The following ARCN1 variants were observed in gnomAD, a reference collection of about 807,000 sequenced individuals.
ARCN1 encodes the protein coatomer subunit delta.
In ARCN1, 5 loss-of-function variants were observed where a neutral mutation model predicts 60.4. The ratio of observed to expected loss-of-function variants is 0.08; its 90% CI spans 0.04 to 0.17. ARCN1 has a LOEUF of 0.17. Ranked by LOEUF, ARCN1 falls within the 10% of genes least tolerant of loss-of-function variation. The pLI is 1.00. For missense variants in ARCN1, 464 were observed against 626.5 expected (o/e 0.74, Z 2.77); for synonymous variants, 224 against 220.0 (o/e 1.02, Z -0.16).
intron 1 of ARCN1, among the ~76,000 whole-genome samples, chr11:118,574,447 A>C (rs1490207196): frequency 6.6e-6 from 1 of 152,176 alleles, no homozygotes; most frequent in African/African-American, 2.4e-5. Flanking sequence ...AGTTGAAAGA[A>C]CTTTGTAGTG....
At chr11:118,596,988 T>G (rs1457050138) in intron 8 of ARCN1, among the ~76,000 whole-genome samples, 2 of 152,152 alleles carry the variant, frequency 1.3e-5, no homozygotes, top group Non-Finnish European at 2.9e-5. Flanking sequence ...GGCAAGTGGA[T>G]CACGGGGTCA....
At chr11:118,600,397 C>T (rs1055851834) in intron 9 of ARCN1, among the ~76,000 whole-genome samples, 2 of 152,170 alleles carry the variant, frequency 1.3e-5, no homozygotes, top group Non-Finnish European at 2.9e-5. Context: ...CGGAACATCT[C>T]GTCCCAACAG....
chr11:118,574,818 A>G (rs541215274), intron 1 of ARCN1, among the ~76,000 whole-genome samples: 1 of 151,882 alleles, frequency 6.6e-6, no homozygotes, highest in Non-Finnish European at 1.5e-5. Flanking sequence ...GGCAGTAGCT[A>G]TTCACAGGCG....
At chr11:118,575,647 A>G (rs965232105) in intron 1 of ARCN1, among the ~76,000 whole-genome samples, 31 of 152,344 alleles carry the variant, frequency 2.0e-4, no homozygotes, top group Admixed American at 1.9e-3. Flanking sequence ...TAATATGACC[A>G]TGAATTGTGT....
In ARCN1 at chr11:118,584,643, A is replaced by G. The variant is rs782786943; in HGVS notation, c.817A>G (p.Ser273Gly). 5.0e-6 allele frequency: 8 copies of G among 1,588,942 alleles called. No individual in the cohort carries two copies. In the South Asian group the frequency reaches 5.8e-5, roughly 12 times the overall value. The change falls in exon 5 of 10, where the codon AGT becomes GGT. Residue 273 changes from serine to glycine, a missense_variant and splice_region_variant. Physicochemically the swap from Ser to Gly is moderately conservative, Grantham distance 56. Transcript: ENST00000264028. Reference protein sequence around the residue: ...KMHAPPINMESVHMKIEEKIT... With the variant: ...KMHAPPINMEGVHMKIEEKIT... ...GCATGCTCCACCCATTAATATGGAA[A>G]GGTAAGTAGGAACTTTGAGTAAGAA...
chr11:118,573,212 C>T (rs192531900), intron 1 of ARCN1, among the ~76,000 whole-genome samples: 257 of 152,236 alleles, frequency 1.7e-3, no homozygotes, highest in African/African-American at 6.0e-3. Flanking sequence ...GTGTAGACCA[C>T]TGGGAAAATG....
At chr11:118,592,915 T>C in intron 7 of ARCN1, 59 bp downstream of exon 7, 1 of 1,477,996 alleles carries the variant, frequency 6.8e-7, no homozygotes. Flanking sequence ...GAAATAGCCC[T>C]TGCTGGTACA....
At chr11:118,594,194 G>C (rs1733715852) in intron 8 of ARCN1, 1 of 153,028 alleles carries the variant, frequency 6.5e-6, no homozygotes, top group Non-Finnish European at 1.5e-5. Context: ...CCACCTCCCA[G>C]GCCCAGGCTA....
At chr11:118,587,787 G>A (rs1382242055) in intron 5 of ARCN1, among the ~76,000 whole-genome samples, 1 of 152,190 alleles carries the variant, frequency 6.6e-6, no homozygotes, top group Non-Finnish European at 1.5e-5. Flanking sequence ...CCAGTCATAA[G>A]TCCAGACTTT....
chr11:118,583,783 A>G (rs1938713341), intron 3 of ARCN1, 26 bp from the exon 4 acceptor site: 15 of 1,605,274 alleles, frequency 9.3e-6, no homozygotes, highest in Non-Finnish European at 1.2e-5. Flanking sequence ...AAAAAAAGCT[A>G]CATTAATGTA....
chr11:118,591,445 T>G (rs11216917), intron 6 of ARCN1, among the ~76,000 whole-genome samples: 25,237 of 152,122 alleles, frequency 0.17, 2,675 homozygotes, highest in East Asian at 0.53. Context: ...AAGCTGGAGT[T>G]CTGTGGTACG....
At chr11:118,580,439 G>A (rs1285212177) in intron 1 of ARCN1, among the ~76,000 whole-genome samples, 1 of 152,090 alleles carries the variant, frequency 6.6e-6, no homozygotes, top group African/African-American at 2.4e-5. Flanking sequence ...ATGTATCCCA[G>A]ACAATTATTT....
At position 118,597,855 on chromosome 11, in the gene ARCN1, G is replaced by T; in HGVS notation, c.1390G>T (p.Asp464Tyr). 6.2e-7 allele frequency: 1 copy of T among 1,614,136 alleles called. No individual in the cohort carries two copies. Among genetic ancestry groups the T allele is most frequent in the South Asian group, 1.1e-5 (1 of 91,070 alleles). ...LEFSIAGQPN[D>Y]FFPVQVSFVS... Reference sequence around the variant, plus strand: ...GTTTAGCATTGCTGGGCAGCCCAATGACTTCTTCCCTGTTCAAGTTTCCTT... The same window carrying T: ...GTTTAGCATTGCTGGGCAGCCCAATTACTTCTTCCCTGTTCAAGTTTCCTT... Residue 464 changes from aspartate to tyrosine, a missense_variant, in exon 9 of 10, where the codon GAC becomes TAC. Physicochemically the swap from Asp to Tyr is radical, Grantham distance 160. Transcript: ENST00000264028.
chr11:118,590,553 T>G (rs368952256), intron 6 of ARCN1, 47 bp downstream of exon 6: 2 of 1,579,636 alleles, frequency 1.3e-6, no homozygotes, highest in African/African-American at 2.7e-5. Flanking sequence ...TGTCTACCTA[T>G]TATAGTCTTT....
rs782381955 is a variant in ARCN1, at chr11:118,597,925, G to C, written c.1446+14G>C. Reference sequence around the variant, plus strand: ...TGTAACATACAGGTACTCCATTTTAGTTGAGAACATATATAGGGAAAGTGG... The same window carrying C: ...TGTAACATACAGGTACTCCATTTTACTTGAGAACATATATAGGGAAAGTGG... On this transcript the variant is annotated intron_variant, in intron 9 of 9. Coordinates refer to ENST00000264028, the MANE Select transcript of ARCN1 (RefSeq NM_001655.5). The C allele has an allele frequency of 6.2e-7, 1 of 1,613,552 alleles. No individual in the cohort carries two copies. Among genetic ancestry groups the C allele is most frequent in the Non-Finnish European group, 8.5e-7 (1 of 1,179,684 alleles).
At position 118,573,787 on chromosome 11, in the gene ARCN1, TATAAATTGC is replaced by T. The variant is rs1555072941; in HGVS notation, c.3+1240_3+1248del. On this transcript the variant is annotated intron_variant, in intron 1 of 9. Coordinates refer to ENST00000264028, the MANE Select transcript of ARCN1 (RefSeq NM_001655.5). ...GAACAGCTTTTCTCAGCCTCAGGTA[TATAAATTGC>T]ATCAAACAGGTTTGCCTCCTAAAAT... is the stretch of plus-strand genomic sequence containing the variant. 2.6e-5 allele frequency: 15 copies of T among 573,588 alleles called. No individual in the cohort carries two copies. In the East Asian group the frequency reaches 4.5e-4, roughly 17 times the overall value. The allele number at this position is 573,588 out of a possible 1,614,324, so 35.5% of individuals were successfully genotyped here.
intron 1 of ARCN1, among the ~76,000 whole-genome samples, chr11:118,579,806 T>C (rs551341148): frequency 6.6e-6 from 1 of 152,270 alleles, no homozygotes; most frequent in African/African-American, 2.4e-5. Flanking sequence ...CTTTTTTCCA[T>C]TTTCATATTA....
chr11:118,596,066 CAAA>C (rs545024182), intron 8 of ARCN1, among the ~76,000 whole-genome samples: 2 of 130,118 alleles, frequency 1.5e-5, no homozygotes, highest in Non-Finnish European at 1.7e-5. Context: ...GATTCCGTCT[CAAA>C]AAAAAAAAAA....
At position 118,572,515 on chromosome 11, in the gene ARCN1, G is replaced by A. The variant is rs1938367624; in HGVS notation, c.-33G>A. 3 of 1,611,234 alleles carry A rather than the reference G, an allele frequency of 1.9e-6. No homozygotes were observed. Among genetic ancestry groups the A allele is most frequent in the South Asian group, 1.1e-5 (1 of 90,630 alleles). ...CCCTACCCCTATCCCCAGTGGAGCC[G>A]GAGTGCGGGCGCGCCCCACCACCGC... On this transcript the variant is annotated 5_prime_UTR_variant, in exon 1 of 10. Coordinates refer to ENST00000264028, the MANE Select transcript of ARCN1 (RefSeq NM_001655.5).
Sources: gnomAD v4.1 joint callset for allele counts (sites outside exome capture counted in the v4.1 genomes callset) on GRCh38, gnomAD v4.1.1 for gene constraint, MANE v1.5 for transcripts, NCBI Gene and HGNC (gene_info 2026-07-23, HGNC 2026-07-21) for gene names.